Variants in SBF2 observed in about 807,000 individuals in gnomAD.
SBF2 encodes myotubularin-related protein 13.
A neutral mutation model predicts 225.2 loss-of-function variants in SBF2; 112 were observed. The ratio of observed to expected loss-of-function variants is 0.50; its 90% CI spans 0.43 to 0.58. The LOEUF (loss-of-function observed/expected upper bound fraction) is 0.58. SBF2 is among the 20% of genes least tolerant of loss of function. SBF2 has a pLI of 0.00. For synonymous variants in SBF2, 763 were observed against 773.3 expected (o/e 0.99, Z 0.22); for missense variants, 1,996 against 2,206.2 (o/e 0.90, Z 1.91).
chr11:10,153,028 T>C (rs1414764647), intron 2 of SBF2, among the ~76,000 whole-genome samples: 2 of 152,206 alleles, frequency 1.3e-5, no homozygotes, highest in African/African-American at 4.8e-5. Flanking sequence ...AAATAACTTA[T>C]AGGCAAATAA....
At chr11:10,075,911 T>G (rs1405814948) in intron 2 of SBF2, among the ~76,000 whole-genome samples, 1 of 152,162 alleles carries the variant, frequency 6.6e-6, no homozygotes, top group Non-Finnish European at 1.5e-5. Context: ...TTTTTTTTTT[T>G]TCTGCGAGTT....
chr11:10,223,886 T>C (rs952045751), intron 1 of SBF2, among the ~76,000 whole-genome samples: 4 of 152,098 alleles, frequency 2.6e-5, no homozygotes, highest in African/African-American at 4.8e-5. Flanking sequence ...CTCACCACAA[T>C]AGCAACAGGA....
At chr11:9,992,750 G>A (rs935780657) in intron 11 of SBF2, among the ~76,000 whole-genome samples, 1 of 151,992 alleles carries the variant, frequency 6.6e-6, no homozygotes, top group Non-Finnish European at 1.5e-5. Context: ...CTACATGTCA[G>A]GAGAAGAAAT....
chr11:10,111,560 T>A (rs1952846474), intron 2 of SBF2, among the ~76,000 whole-genome samples: 2 of 152,220 alleles, frequency 1.3e-5, no homozygotes, highest in South Asian at 2.1e-4. Context: ...TGTAGTTGGA[T>A]TTTAAATACA....
At chr11:10,015,625 A>AAG (rs1948620572) in intron 6 of SBF2, among the ~76,000 whole-genome samples, 1 of 152,208 alleles carries the variant, frequency 6.6e-6, no homozygotes, top group Non-Finnish European at 1.5e-5. Flanking sequence ...AGATTTTGAC[A>AAG]GAGATGCATT....
chr11:10,206,612 A>C (rs1363223828), intron 1 of SBF2, among the ~76,000 whole-genome samples: 1 of 152,108 alleles, frequency 6.6e-6, no homozygotes, highest in Non-Finnish European at 1.5e-5. Context: ...AACTCTCTTG[A>C]AACAAATGAA....
At chr11:9,797,342 C>T (rs634680) in intron 32 of SBF2, among the ~76,000 whole-genome samples, 133,515 of 152,268 alleles carry the variant, frequency 0.88, 58,820 homozygotes, top group Non-Finnish European at 0.9. Context: ...CATTTTCTTA[C>T]TGGCTTTTGA....
At chr11:9,920,204 G>GTA (rs1554954741) in intron 16 of SBF2, among the ~76,000 whole-genome samples, 2,028 of 115,238 alleles carry the variant, frequency 0.018, 23 homozygotes, top group Middle Eastern at 0.027. Context: ...GTGTGTGTGT[G>GTA]TATATATATA....
At chr11:10,114,037 T>G (rs1953012490) in intron 2 of SBF2, among the ~76,000 whole-genome samples, 1 of 152,168 alleles carries the variant, frequency 6.6e-6, no homozygotes, top group South Asian at 2.1e-4. Context: ...TTAGGAAGAT[T>G]GCACAATTTC....
At chr11:9,901,979 T>A (rs1861757115) in intron 16 of SBF2, among the ~76,000 whole-genome samples, 1 of 152,200 alleles carries the variant, frequency 6.6e-6, no homozygotes, top group African/African-American at 2.4e-5. Context: ...CTTTCCAACC[T>A]GATTCTGATA....
chr11:9,978,280 G>A (rs1412345078), intron 13 of SBF2, among the ~76,000 whole-genome samples: 1 of 152,046 alleles, frequency 6.6e-6, no homozygotes, highest in East Asian at 1.9e-4. Flanking sequence ...TGTCATCACG[G>A]ACTTCAGAAT....
intron 2 of SBF2, among the ~76,000 whole-genome samples, chr11:10,047,508 A>G (rs1386733776): frequency 7.2e-5 from 11 of 152,196 alleles, no homozygotes; most frequent in Admixed American, 7.2e-4. Context: ...AAGTGCTCAG[A>G]GAAGCCCCTG....
chr11:9,804,005 TGA>T (rs1159477840), intron 32 of SBF2, among the ~76,000 whole-genome samples: 1 of 151,654 alleles, frequency 6.6e-6, no homozygotes, highest in Non-Finnish European at 1.5e-5. Context: ...AATGCAGGGG[TGA>T]AATGGAGGCT....
intron 16 of SBF2, among the ~76,000 whole-genome samples, chr11:9,913,853 CT>C (rs1173868776): frequency 1.3e-5 from 2 of 152,148 alleles, no homozygotes; most frequent in Admixed American, 1.3e-4. Flanking sequence ...ACAGCAGCTC[CT>C]TTTGGTTGTT....
intron 1 of SBF2, among the ~76,000 whole-genome samples, chr11:10,224,946 G>C (rs1036977939): frequency 6.6e-6 from 1 of 152,114 alleles, no homozygotes; most frequent in Non-Finnish European, 1.5e-5. Flanking sequence ...AAGTGATGGT[G>C]CTTATAAATT....
At chr11:10,174,576 G>A (rs1167050924) in intron 2 of SBF2, among the ~76,000 whole-genome samples, 2 of 152,168 alleles carry the variant, frequency 1.3e-5, no homozygotes, top group Non-Finnish European at 2.9e-5. Context: ...AACCAAGTTG[G>A]AAAACACTCT....
intron 16 of SBF2, among the ~76,000 whole-genome samples, chr11:9,943,093 A>G (rs1288270554): frequency 6.6e-6 from 1 of 152,206 alleles, no homozygotes; most frequent in Non-Finnish European, 1.5e-5. Flanking sequence ...TATTTATAGA[A>G]ATCTGATATA....
intron 16 of SBF2, among the ~76,000 whole-genome samples, chr11:9,908,597 A>T (rs1210804017): frequency 6.6e-6 from 1 of 152,220 alleles, no homozygotes; most frequent in Non-Finnish European, 1.5e-5. Flanking sequence ...ACTGCACTCC[A>T]GCCTAGGCGA....
At chr11:10,069,410 T>C (rs1950770487) in intron 2 of SBF2, among the ~76,000 whole-genome samples, 1 of 149,664 alleles carries the variant, frequency 6.7e-6, no homozygotes, top group South Asian at 2.1e-4. Context: ...ACATGTGGTG[T>C]TTGGTTTTCT....
Sources: allele counts gnomAD v4.1 joint callset (sites outside exome capture counted in the v4.1 genomes callset), GRCh38; gene constraint gnomAD v4.1.1; transcripts MANE v1.5; gene names NCBI Gene and HGNC (gene_info 2026-07-23, HGNC 2026-07-21).